Variants in TRAPPC12 observed in about 807,000 individuals in gnomAD.
TRAPPC12 encodes TPR repeat protein 15.
In TRAPPC12, 61 loss-of-function variants were observed where a neutral mutation model predicts 69.2. The ratio of observed to expected loss-of-function variants is 0.88; its 90% CI spans 0.72 to 1.09. The LOEUF (loss-of-function observed/expected upper bound fraction) is 1.09. Ranked by LOEUF, TRAPPC12 falls within the 50% of genes least tolerant of loss-of-function variation. TRAPPC12 has a pLI of 0.00. For missense variants in TRAPPC12, 1,101 were observed against 1,016.4 expected, an observed-to-expected ratio of 1.08 and a Z score of -1.13; for synonymous variants, 469 against 438.9, an observed-to-expected ratio of 1.07 and a Z score of -0.86.
In TRAPPC12 at chr2:3,399,781, C is replaced by T. The variant is rs558146139; in HGVS notation, c.1048-1996C>T. ...AAATAACCTTGCTTCTTAGGAGAAACAACTTCTATGCTTTTCTTTCCCCCG... is the reference window on the plus strand; with the variant it reads ...AAATAACCTTGCTTCTTAGGAGAAATAACTTCTATGCTTTTCTTTCCCCCG... On this transcript the variant is annotated intron_variant, in intron 2 of 11. Transcript: ENST00000324266. 5.1e-4 allele frequency among the ~76,000 whole-genome samples: 78 copies of T among 152,176 alleles called. 1 individual carries two copies. Among genetic ancestry groups the T allele is most frequent in the Non-Finnish European group, 1.2e-4 (8 of 67,976 alleles).
chr2:3,442,212 T>C (rs1249359523), intron 5 of TRAPPC12, among the ~76,000 whole-genome samples: 1 of 152,216 alleles, frequency 6.6e-6, no homozygotes, highest in South Asian at 2.1e-4. Flanking sequence ...TAACAGCTAG[T>C]CCCAAGTTGG....
At chr2:3,427,966 G>C (rs1663211041) in intron 5 of TRAPPC12, among the ~76,000 whole-genome samples, 1 of 151,756 alleles carries the variant, frequency 6.6e-6, no homozygotes, top group African/African-American at 2.4e-5. Flanking sequence ...GCCCAACATC[G>C]CCTTGTGTAT....
intron 5 of TRAPPC12, among the ~76,000 whole-genome samples, chr2:3,430,872 C>T (rs6733486): frequency 0.026 from 3,965 of 152,230 alleles, 161 homozygotes; most frequent in African/African-American, 0.09. Flanking sequence ...TGGGACCTTC[C>T]GCTGGGTGTG....
At chr2:3,398,783 A>G (rs1401627619) in intron 2 of TRAPPC12, among the ~76,000 whole-genome samples, 1 of 152,254 alleles carries the variant, frequency 6.6e-6, no homozygotes, top group Non-Finnish European at 1.5e-5. Flanking sequence ...GGGTGGCGAC[A>G]TCACGATGAG....
At chr2:3,470,904 A>G (rs1159795688) in intron 9 of TRAPPC12, among the ~76,000 whole-genome samples, 1 of 152,214 alleles carries the variant, frequency 6.6e-6, no homozygotes, top group Non-Finnish European at 1.5e-5. Flanking sequence ...ACAGAGGTGA[A>G]AGGGGTGGAC....
chr2:3,465,931 A>G (rs4514905), intron 9 of TRAPPC12: 268,269 of 561,750 alleles, frequency 0.48, 69,687 homozygotes, highest in African/African-American at 0.87. Context: ...AAGTGTCATC[A>G]CAGCCACACT....
chr2:3,460,262 G>T lies in TRAPPC12; in HGVS notation c.1604-1G>T, dbSNP rs375354960. 3 of 873,304 alleles carry T rather than the reference G, an allele frequency of 3.4e-6. No individual in the cohort carries two copies. In the African/African-American group the frequency reaches 4.9e-5, roughly 14 times the overall value. The allele number at this position is 873,304 out of a possible 1,614,324, so 54.1% of individuals were successfully genotyped here. Reference sequence around the variant, plus strand: ...ACTTACAGGCTGCTCTTACCTTGTAGCCTCTATCCGGCTGTGGAGGTCACG... The same window carrying T: ...ACTTACAGGCTGCTCTTACCTTGTATCCTCTATCCGGCTGTGGAGGTCACG... On this transcript the variant is annotated splice_acceptor_variant, in intron 7 of 11. Transcript: ENST00000324266. LOFTEE classifies it high-confidence loss of function.
chr2:3,453,998 A>C (rs1664991847), intron 6 of TRAPPC12, among the ~76,000 whole-genome samples: 1 of 152,200 alleles, frequency 6.6e-6, no homozygotes. Context: ...CTATCAATTG[A>C]CATTAAATGA....
At chr2:3,459,974 C>A in intron 7 of TRAPPC12, 1 of 506,902 alleles carries the variant, frequency 2.0e-6, no homozygotes, top group Non-Finnish European at 3.5e-6. Flanking sequence ...GGAAACGGGG[C>A]CCCCGGTCGG....
intron 2 of TRAPPC12, among the ~76,000 whole-genome samples, chr2:3,394,842 G>A (rs1374762247): frequency 1.3e-5 from 2 of 152,190 alleles, no homozygotes; most frequent in East Asian, 1.9e-4. Context: ...GTTATAAATC[G>A]TAGGGGAGTT....
At chr2:3,396,054 A>G (rs921725477) in intron 2 of TRAPPC12, among the ~76,000 whole-genome samples, 4 of 152,090 alleles carry the variant, frequency 2.6e-5, no homozygotes, top group Non-Finnish European at 5.9e-5. Flanking sequence ...TAGTAGAGAC[A>G]GGGCTTCACC....
intron 3 of TRAPPC12, among the ~76,000 whole-genome samples, chr2:3,412,523 C>T (rs1356381999): frequency 6.6e-6 from 1 of 152,096 alleles, no homozygotes; most frequent in Non-Finnish European, 1.5e-5. Flanking sequence ...ATCGCGCCAC[C>T]GCACTCCAGC....
At chr2:3,443,918 C>A in intron 6 of TRAPPC12, 27 bp downstream of exon 6, 1 of 1,547,354 alleles carries the variant, frequency 6.5e-7, no homozygotes, top group Non-Finnish European at 8.9e-7. Context: ...TTCTTCCCTG[C>A]CACGGGGAGA....
rs114094403 is a variant in TRAPPC12, at chr2:3,408,966, G to A, written c.1164+7073G>A. On this transcript the variant is annotated intron_variant, in intron 3 of 11. Transcript: ENST00000324266. ...TTTCCTGCCCTGCGCGGCCCGCTGC[G>A]GCACAGAGCTATGTGCACCGTGGCT... 5.3e-3 allele frequency among the ~76,000 whole-genome samples: 813 copies of A among 152,252 alleles called. 6 individuals carry two copies. The highest frequency in any genetic ancestry group is 0.017 in the African/African-American group (711 of 41,534).
At chr2:3,464,298 G>A (rs755522465) in intron 8 of TRAPPC12, among the ~76,000 whole-genome samples, 3 of 152,218 alleles carry the variant, frequency 2.0e-5, no homozygotes, top group African/African-American at 4.8e-5. Context: ...CGTCATGGGC[G>A]TCAGGCCTTG....
At chr2:3,454,332 G>A (rs1665015722) in intron 6 of TRAPPC12, among the ~76,000 whole-genome samples, 1 of 150,592 alleles carries the variant, frequency 6.6e-6, no homozygotes, top group African/African-American at 2.5e-5. Context: ...TTCCCAGCTG[G>A]GTAGGTGGGT....
intron 2 of TRAPPC12, among the ~76,000 whole-genome samples, chr2:3,395,459 G>A (rs1210929212): frequency 6.7e-6 from 1 of 148,682 alleles, no homozygotes. Context: ...TCTTGTTTTT[G>A]CAATTTCTTA....
intron 1 of TRAPPC12, among the ~76,000 whole-genome samples, chr2:3,386,319 A>T (rs1337843377): frequency 6.6e-6 from 1 of 152,248 alleles, no homozygotes; most frequent in East Asian, 1.9e-4. Context: ...TATGAGAGTA[A>T]AACTACATAA....
At chr2:3,424,052 C>T (rs1246000794) in intron 4 of TRAPPC12, among the ~76,000 whole-genome samples, 2 of 152,186 alleles carry the variant, frequency 1.3e-5, no homozygotes, top group Non-Finnish European at 2.9e-5. Flanking sequence ...TTCCTGCTCC[C>T]GTTCCCGCCG....
Sources: gnomAD v4.1 joint callset for allele counts (sites outside exome capture counted in the v4.1 genomes callset) on GRCh38, gnomAD v4.1.1 for gene constraint, MANE v1.5 for transcripts, NCBI Gene and HGNC (gene_info 2026-07-23, HGNC 2026-07-21) for gene names.